KCNIP4: variants seen among roughly 807,000 people sequenced by gnomAD.
The protein encoded by KCNIP4 is potassium voltage-gated channel interacting protein 4, also known as Kv channel-interacting protein 4.
A neutral mutation model predicts 34.0 loss-of-function variants in KCNIP4; 12 were observed. That is an observed-to-expected ratio of 0.35 (90% CI 0.23 to 0.57). The LOEUF (loss-of-function observed/expected upper bound fraction) is 0.57, where lower values mean the gene tolerates loss of function less well. Ranked by LOEUF, KCNIP4 falls within the 20% of genes least tolerant of loss-of-function variation. The probability of loss-of-function intolerance (pLI) is 0.83; values close to 1 mark genes in which losing one functional copy is unlikely to be tolerated. For missense variants in KCNIP4, 238 were observed against 311.7 expected (o/e 0.76, Z 1.78); for synonymous variants, 124 against 102.2 (o/e 1.21, Z -1.29).
intron 3 of KCNIP4, among the ~76,000 whole-genome samples, chr4:20,780,170 A>T (rs555293329): frequency 6.6e-6 from 1 of 152,304 alleles, no homozygotes; most frequent in African/African-American, 2.4e-5. Context: ...TGCAGAATCA[A>T]TGAGCAGAAT....
intron 1 of KCNIP4, among the ~76,000 whole-genome samples, chr4:21,173,059 C>G (rs1162037760): frequency 6.6e-6 from 1 of 152,110 alleles, no homozygotes; most frequent in Non-Finnish European, 1.5e-5. Context: ...TTACCACAAC[C>G]CTTGCCAGGA....
In KCNIP4 at chr4:21,109,311, G is replaced by C. The variant is rs977871475; in HGVS notation, c.62-226602C>G. ...TAAGCAAGCCTAGGCAATGGCAGGC[G>C]CCCCTCCCCCAGCCTCGCTGCTGCC... On this transcript the variant is annotated intron_variant, in intron 1 of 8. Transcript: ENST00000382152. 2.1e-5 allele frequency among the ~76,000 whole-genome samples: 3 copies of C among 139,678 alleles called. No homozygotes were observed. The South Asian group carries it at 6.9e-4, about 32-fold the overall frequency. 91.6% of individuals were successfully genotyped at this position (139,678 alleles called of 152,430 possible). A position where few individuals can be genotyped will look rare whatever the true frequency, so the allele number is the denominator to read the frequency against.
intron 1 of KCNIP4, among the ~76,000 whole-genome samples, chr4:21,841,617 T>A (rs891013285): frequency 6.6e-6 from 1 of 152,166 alleles, no homozygotes; most frequent in Non-Finnish European, 1.5e-5. Flanking sequence ...ATGGAACATA[T>A]CCCTGTTCTC....
At chr4:20,886,335 C>G (rs1725308371) in intron 1 of KCNIP4, among the ~76,000 whole-genome samples, 1 of 152,182 alleles carries the variant, frequency 6.6e-6, no homozygotes, top group Non-Finnish European at 1.5e-5. Context: ...CTCATAGTCA[C>G]TGAGCTGAAG....
chr4:21,573,192 C>T (rs541045079), intron 1 of KCNIP4, among the ~76,000 whole-genome samples: 6 of 152,230 alleles, frequency 3.9e-5, no homozygotes, highest in South Asian at 2.1e-4. Flanking sequence ...TAGTGATACT[C>T]ATACTTGACC....
chr4:21,345,977 A>G (rs974681811), intron 1 of KCNIP4, among the ~76,000 whole-genome samples: 1 of 149,060 alleles, frequency 6.7e-6, no homozygotes, highest in South Asian at 2.1e-4. Flanking sequence ...GTAGAGGTCC[A>G]CAGTGGGCTG....
At chr4:21,422,196 C>CTTT (rs35669431) in intron 1 of KCNIP4, among the ~76,000 whole-genome samples, 26 of 141,968 alleles carry the variant, frequency 1.8e-4, no homozygotes, top group African/African-American at 6.7e-4. Context: ...CTGCAGCCTA[C>CTTT]TTTTTTTTTT....
intron 1 of KCNIP4, among the ~76,000 whole-genome samples, chr4:21,807,315 G>A (rs1025240661): frequency 1.3e-5 from 2 of 152,096 alleles, no homozygotes; most frequent in Non-Finnish European, 2.9e-5. Flanking sequence ...ATGGCCTGAG[G>A]GTTGGGGACC....
intron 1 of KCNIP4, among the ~76,000 whole-genome samples, chr4:21,247,920 C>CATATATATATACACACAT: frequency 7.5e-6 from 1 of 132,540 alleles, no homozygotes; most frequent in South Asian, 2.3e-4. Flanking sequence ...CACACACACA[C>CATATATATATACACACAT]ATATATATAT....
intron 1 of KCNIP4, among the ~76,000 whole-genome samples, chr4:21,033,859 T>C (rs1741220711): frequency 6.6e-6 from 1 of 152,190 alleles, no homozygotes; most frequent in African/African-American, 2.4e-5. Flanking sequence ...TCTGCTTATA[T>C]GAAAATCACA....
At chr4:21,728,855 G>A (rs1476394753) in intron 1 of KCNIP4, among the ~76,000 whole-genome samples, 3 of 152,004 alleles carry the variant, frequency 2.0e-5, no homozygotes, top group African/African-American at 7.3e-5. Context: ...TTTTCAATGA[G>A]ACTTTCCAAG....
At chr4:21,194,633 C>T (rs1755923193) in intron 1 of KCNIP4, among the ~76,000 whole-genome samples, 1 of 152,162 alleles carries the variant, frequency 6.6e-6, no homozygotes, top group African/African-American at 2.4e-5. Flanking sequence ...GTGGAAGTGG[C>T]ATAGTCTTTT....
At chr4:21,140,177 G>A (rs6821150) in intron 1 of KCNIP4, among the ~76,000 whole-genome samples, 79,825 of 151,414 alleles carry the variant, frequency 0.53, 21,579 homozygotes, top group African/African-American at 0.64. Flanking sequence ...TTGCCGTCAG[G>A]CTGCTTGGCT....
intron 1 of KCNIP4, among the ~76,000 whole-genome samples, chr4:21,601,386 C>T (rs1357355226): frequency 1.3e-5 from 2 of 151,918 alleles, no homozygotes; most frequent in African/African-American, 2.4e-5. Context: ...TAATATATAT[C>T]CAGCTATAAT....
At chr4:20,984,127 C>G in intron 1 of KCNIP4, 1 of 731,182 alleles carries the variant, frequency 1.4e-6, no homozygotes, top group Non-Finnish European at 2.1e-6. Context: ...TCATGCTGAT[C>G]CTGGCATTTG....
chr4:21,658,310 G>T (rs1272623635), intron 1 of KCNIP4, among the ~76,000 whole-genome samples: 2 of 152,094 alleles, frequency 1.3e-5, no homozygotes, highest in African/African-American at 4.8e-5. Flanking sequence ...TATCTAACTT[G>T]GAGAAGCCTT....
intron 1 of KCNIP4, among the ~76,000 whole-genome samples, chr4:21,470,798 C>G (rs1277863700): frequency 6.7e-6 from 1 of 150,218 alleles, no homozygotes; most frequent in East Asian, 1.9e-4. Context: ...ACGCCCAATT[C>G]AAGGGCCAGC....
chr4:21,616,649 G>A (rs1744629498), intron 1 of KCNIP4, among the ~76,000 whole-genome samples: 1 of 152,082 alleles, frequency 6.6e-6, no homozygotes, highest in Non-Finnish European at 1.5e-5. Flanking sequence ...TAGTCTCTGT[G>A]GTTTGCTGGC....
intron 1 of KCNIP4, among the ~76,000 whole-genome samples, chr4:21,244,928 C>T (rs954306077): frequency 5.3e-5 from 8 of 152,128 alleles, no homozygotes; most frequent in Non-Finnish European, 1.0e-4. Flanking sequence ...TTAAATGCTA[C>T]TGAATCAAAA....
Sources: gnomAD v4.1 joint callset for allele counts (sites outside exome capture counted in the v4.1 genomes callset) on GRCh38, gnomAD v4.1.1 for gene constraint, MANE v1.5 for transcripts, NCBI Gene and HGNC (gene_info 2026-07-23, HGNC 2026-07-21) for gene names.